The following WNK2 variants were observed in gnomAD, a reference collection of about 807,000 sequenced individuals.
WNK2 encodes WNK lysine deficient protein kinase 2.
Under a neutral mutation model 192.1 loss-of-function variants are expected in WNK2, and 67 were observed. The observed-to-expected ratio is 0.35, with a 90% CI of 0.29 to 0.43. The LOEUF is 0.43. Ranked by LOEUF, WNK2 falls within the 20% of genes least tolerant of loss-of-function variation. The pLI, the probability that WNK2 is intolerant of heterozygous loss-of-function variation, is 1.00. For synonymous variants in WNK2, 1,439 were observed against 1,393.9 expected (o/e 1.03, Z -0.72); for missense variants, 2,698 against 3,089.7 (o/e 0.87, Z 3.01).
intron 19 of WNK2, among the ~76,000 whole-genome samples, chr9:93,281,234 G>T (rs1847686964): frequency 6.6e-6 from 1 of 152,154 alleles, no homozygotes; most frequent in African/African-American, 2.4e-5. Flanking sequence ...AAGCTATTAA[G>T]ATCCAAACAG....
chr9:93,257,264 C>T lies in WNK2; in HGVS notation c.2382+125C>T. ...GACCTGTGACCTGGGGTTGGGCTGGCCAGGGAGTTGGGGCTGGGCTGGGGA... is the reference window on the plus strand; with the variant it reads ...GACCTGTGACCTGGGGTTGGGCTGGTCAGGGAGTTGGGGCTGGGCTGGGGA... On this transcript the variant is annotated intron_variant, in intron 11 of 29. Coordinates refer to ENST00000427277, the MANE Select transcript of WNK2 (RefSeq NM_006648.4). The surrounding 1 kb of genome is among the most constrained non-coding windows in gnomAD (Gnocchi z 4.7). 1.8e-6 allele frequency: 2 copies of T among 1,089,896 alleles called. No individual in the cohort carries two copies. The highest frequency in any genetic ancestry group is 2.6e-6 in the Non-Finnish European group (2 of 775,450). 67.5% of individuals were successfully genotyped at this position (1,089,896 alleles called of 1,614,324 possible).
Position 93,320,469 on chromosome 9 carries a change from T to C in WNK2, c.*77T>C. 1.5e-6 allele frequency: 2 copies of C among 1,346,560 alleles called. No homozygotes were observed. Among genetic ancestry groups the C allele is most frequent in the Admixed American group, 1.9e-5 (1 of 52,390 alleles). 83.4% of individuals were successfully genotyped at this position (1,346,560 alleles called of 1,614,324 possible). A position where few individuals can be genotyped will look rare whatever the true frequency, so the allele number is the denominator to read the frequency against. On this transcript the variant is annotated 3_prime_UTR_variant, in exon 30 of 30. Coordinates refer to ENST00000427277, the MANE Select transcript of WNK2 (RefSeq NM_006648.4). ...GACCCTCAGGGCCAGCTGCTCCTCCTGTCCAGTTCACGCTGTTTTGTAACC... is the reference window on the plus strand; with the variant it reads ...GACCCTCAGGGCCAGCTGCTCCTCCCGTCCAGTTCACGCTGTTTTGTAACC...
At chr9:93,302,950 G>C (rs1332794145) in intron 26 of WNK2, among the ~76,000 whole-genome samples, 1 of 151,842 alleles carries the variant, frequency 6.6e-6, no homozygotes, top group Non-Finnish European at 1.5e-5. Context: ...ACAAAGTCTG[G>C]CTCTGTTACC....
At chr9:93,318,149 A>G (rs1855076677) in intron 29 of WNK2, 2 of 1,515,930 alleles carry the variant, frequency 1.3e-6, no homozygotes, top group Admixed American at 4.4e-5. Context: ...TTCCCTGATG[A>G]AAAGATATGT....
rs376186031 is a variant in WNK2 at position 93,268,049 on chromosome 9, C to A, written c.3897C>A (p.Pro1299=). Reference sequence around the variant, plus strand: ...GCCGACAATCCCAAGCCAACGCCCCCGTGTATCAGCAGAACGGTGAGTCTG... The same window carrying A: ...GCCGACAATCCCAAGCCAACGCCCCAGTGTATCAGCAGAACGGTGAGTCTG... ...EESRQSQANA[P]VYQQNVLHTG... The change falls in exon 18 of 30, where the codon CCC becomes CCA. Residue 1299 remains proline, a synonymous_variant. Coordinates refer to ENST00000427277, the MANE Select transcript of WNK2 (RefSeq NM_006648.4). 18 of 1,611,664 alleles carry A rather than the reference C, an allele frequency of 1.1e-5. No individual in the cohort carries two copies. The African/African-American group carries it at 2.3e-4, about 20-fold the overall frequency.
chr9:93,300,257 C>G, intron 26 of WNK2, 108 bp downstream of exon 26: 2 of 921,504 alleles, frequency 2.2e-6, no homozygotes, highest in Non-Finnish European at 1.7e-6. Flanking sequence ...ATGCCTCCCC[C>G]ACCCCATCGA....
intron 9 of WNK2, 130 bp from the exon 10 acceptor site, chr9:93,256,169 C>A: frequency 8.7e-7 from 1 of 1,146,260 alleles, no homozygotes; most frequent in Non-Finnish European, 1.2e-6. Context: ...CTTCTGCTGT[C>A]ATGTTCCTGG....
intron 2 of WNK2, among the ~76,000 whole-genome samples, chr9:93,228,280 A>G (rs1389219439): frequency 6.6e-6 from 1 of 151,696 alleles, no homozygotes; most frequent in African/African-American, 2.4e-5. Flanking sequence ...AATTTTTTTT[A>G]CCAAGATGAC....
intron 23 of WNK2, among the ~76,000 whole-genome samples, chr9:93,294,483 A>G (rs965420741): frequency 6.6e-6 from 1 of 152,244 alleles, no homozygotes; most frequent in African/African-American, 2.4e-5. Context: ...AGAGGGCAGC[A>G]GATCCTGGGC....
intron 2 of WNK2, among the ~76,000 whole-genome samples, chr9:93,214,502 C>G (rs1438927112): frequency 6.6e-6 from 1 of 151,908 alleles, no homozygotes; most frequent in Non-Finnish European, 1.5e-5. Flanking sequence ...CGGGGTTTCA[C>G]CATGTTGGCC....
chr9:93,210,635 C>T (rs372531140), intron 2 of WNK2, among the ~76,000 whole-genome samples: 4 of 152,118 alleles, frequency 2.6e-5, no homozygotes, highest in South Asian at 4.1e-4. Flanking sequence ...CTTGTGAGCC[C>T]GCAGGCTCCA....
chr9:93,289,485 G>A lies in WNK2; in HGVS notation c.4731G>A (p.Glu1577=). Residue 1577 remains glutamate, a synonymous_variant, in exon 20 of 30, where the codon GAG becomes GAA. Coordinates refer to ENST00000427277, the MANE Select transcript of WNK2 (RefSeq NM_006648.4). ...CAGCCTCAGCTGGGACCCCTGTGGAGGTGGGCGACAGAGACTTCACCCTGG... is the reference window on the plus strand; with the variant it reads ...CAGCCTCAGCTGGGACCCCTGTGGAAGTGGGCGACAGAGACTTCACCCTGG... ...TSSASAGTPV[E]VGDRDFTLEP... The A allele has an allele frequency of 6.2e-7, 1 of 1,610,406 alleles. No individual in the cohort carries two copies. The highest frequency in any genetic ancestry group is 8.5e-7 in the Non-Finnish European group (1 of 1,177,952).
intron 8 of WNK2, among the ~76,000 whole-genome samples, 193 bp from the exon 9 acceptor site, chr9:93,252,690 G>A (rs1178384813): frequency 6.6e-6 from 1 of 152,220 alleles, no homozygotes; most frequent in Non-Finnish European, 1.5e-5. Context: ...GGGCAGTGTT[G>A]GAGTGGGGCA....
At chr9:93,286,251 T>TC (rs1457662149) in intron 19 of WNK2, among the ~76,000 whole-genome samples, 1 of 152,048 alleles carries the variant, frequency 6.6e-6, no homozygotes, top group Non-Finnish European at 1.5e-5. Flanking sequence ...AGCGAGAGAT[T>TC]CTGTAGTACA....
intron 2 of WNK2, among the ~76,000 whole-genome samples, chr9:93,192,442 G>A (rs1185650722): frequency 6.6e-6 from 1 of 152,184 alleles, no homozygotes; most frequent in African/African-American, 2.4e-5. Context: ...GGCAGGCCTT[G>A]GCTTGGGACA....
chr9:93,211,828 TCTA>T (rs1314541089), intron 2 of WNK2, among the ~76,000 whole-genome samples: 1 of 151,758 alleles, frequency 6.6e-6, no homozygotes, highest in Non-Finnish European at 1.5e-5. Flanking sequence ...CACTCACTCA[TCTA>T]CTCCTCGCTC....
chr9:93,241,589 T>A (rs775672356), intron 7 of WNK2, among the ~76,000 whole-genome samples: 1 of 151,392 alleles, frequency 6.6e-6, no homozygotes, highest in African/African-American at 2.4e-5. Flanking sequence ...TGCAGAGAGG[T>A]GGGAGGGGCG....
At chr9:93,231,362 C>T (rs574945420) in intron 4 of WNK2, among the ~76,000 whole-genome samples, 1 of 152,340 alleles carries the variant, frequency 6.6e-6, no homozygotes, top group Admixed American at 6.5e-5. Context: ...CCTCCCTCCC[C>T]TGCTGCCCCT....
chr9:93,233,966 A>G (rs1839365448), intron 4 of WNK2, among the ~76,000 whole-genome samples: 1 of 152,200 alleles, frequency 6.6e-6, no homozygotes, highest in African/African-American at 2.4e-5. Context: ...TATGAAAGCT[A>G]AAGCTTATTA....
Sources: gnomAD v4.1 joint callset for allele counts (sites outside exome capture counted in the v4.1 genomes callset) on GRCh38, gnomAD v4.1.1 for gene constraint, Gnocchi (gnomAD v3.1) non-coding constraint, MANE v1.5 for transcripts, NCBI Gene and HGNC (gene_info 2026-07-23, HGNC 2026-07-21) for gene names.